KDM5A: variants seen among roughly 807,000 people sequenced by gnomAD.
The protein encoded by KDM5A is lysine-specific demethylase 5A.
A neutral mutation model predicts 193.5 loss-of-function variants in KDM5A; 42 were observed. The observed-to-expected ratio is 0.22, with a 90% CI of 0.17 to 0.28. KDM5A has a LOEUF of 0.28. KDM5A is among the 10% of genes least tolerant of loss of function. The pLI is 1.00. For synonymous variants in KDM5A, 796 were observed against 718.1 expected (o/e 1.11, Z -1.73); for missense variants, 1,692 against 2,055.1 (o/e 0.82, Z 3.42).
Position 308,275 on chromosome 12 carries a change from G to C in KDM5A, c.3379-270C>G, listed in dbSNP as rs545346706. ...GCATGCCTTGAAATCAAGCAACCTG[G>C]GTACAAAGCCTGGCTCTTGTACTTT... On this transcript the variant is annotated intron_variant, in intron 22 of 27. Transcript: ENST00000399788. 3.9e-5 allele frequency among the ~76,000 whole-genome samples: 6 copies of C among 152,186 alleles called. No homozygotes were observed. In the South Asian group the frequency reaches 1.2e-3, roughly 32 times the overall value.
intron 20 of KDM5A, among the ~76,000 whole-genome samples, chr12:312,463 T>G (rs76507336): frequency 0.015 from 2,225 of 152,306 alleles, 50 homozygotes; most frequent in African/African-American, 0.05. Flanking sequence ...ATTTGAAGAA[T>G]ACAGTAGGTA....
chr12:312,599 G>A (rs1363741323), intron 20 of KDM5A, among the ~76,000 whole-genome samples: 4 of 152,222 alleles, frequency 2.6e-5, no homozygotes, highest in Non-Finnish European at 4.4e-5. Flanking sequence ...AGACGAAAGA[G>A]TAAGTGAACT....
chr12:299,809 A>ATGC, intron 24 of KDM5A, among the ~76,000 whole-genome samples: 1 of 152,074 alleles, frequency 6.6e-6, no homozygotes, highest in Non-Finnish European at 1.5e-5. Flanking sequence ...TCTTACTCAC[A>ATGC]AAGACGCACA....
intron 1 of KDM5A, 54 bp from the exon 2 acceptor site, chr12:386,028 A>G: frequency 7.3e-7 from 1 of 1,367,504 alleles, no homozygotes; most frequent in Non-Finnish European, 1.0e-6. Flanking sequence ...CAAGGAATGC[A>G]TTAATTATTC....
In KDM5A at chr12:323,729, C is replaced by T. The variant is rs1943750534; in HGVS notation, c.2021G>A (p.Arg674Gln). 6.2e-7 allele frequency: 1 copy of T among 1,613,844 alleles called. No individual in the cohort carries two copies. Among genetic ancestry groups the T allele is most frequent in the African/African-American group, 1.3e-5 (1 of 74,908 alleles). ...TGTGGTTCTGCATGCTGAACACTGC[C>T]GCTCATCATCAGGAACAAGTTCAAA... ...EVFELVPDDERQCSACRTTCF... is the reference protein window; with the variant it reads ...EVFELVPDDEQQCSACRTTCF... The change falls in exon 15 of 28, where the codon CGG becomes CAG. Residue 674 changes from arginine (R) to glutamine (Q), a missense_variant. Arg to Gln is a conservative substitution (Grantham distance 43). This residue lies in a region of KDM5A where 88 missense variants were observed against 124.6 expected (regional missense o/e 0.71). Coordinates refer to ENST00000399788, the MANE Select transcript of KDM5A (RefSeq NM_001042603.3).
Position 355,310 on chromosome 12 carries a change from A to G in KDM5A, c.779-61T>C. ...CAATGTTGAGAGCTTACTATGGACC[A>G]GACACTATTTAAAATTATTTAAATT... On this transcript the variant is annotated intron_variant, in intron 6 of 27. Transcript: ENST00000399788. The G allele has an allele frequency of 1.6e-5, 14 of 885,086 alleles. No homozygotes were observed. The South Asian group carries it at 1.8e-4, about 12-fold the overall frequency. 54.8% of individuals were successfully genotyped at this position (885,086 alleles called of 1,614,324 possible).
chr12:333,447 A>G (rs958682114), intron 12 of KDM5A, 40 bp downstream of exon 12: 6 of 1,611,638 alleles, frequency 3.7e-6, no homozygotes, highest in Non-Finnish European at 5.1e-6. Context: ...AAAAACAAAC[A>G]AACAAACAAA....
intron 14 of KDM5A, among the ~76,000 whole-genome samples, chr12:324,260 G>A (rs745311461): frequency 1.3e-5 from 2 of 151,860 alleles, no homozygotes; most frequent in African/African-American, 4.8e-5. Context: ...TAGTACTGCT[G>A]CACTCCAACC....
intron 19 of KDM5A, among the ~76,000 whole-genome samples, chr12:313,489 A>C (rs1943614868): frequency 6.6e-6 from 1 of 152,250 alleles, no homozygotes; most frequent in South Asian, 2.1e-4. Flanking sequence ...AATAAAGGAC[A>C]CATCTGAAAT....
At chr12:300,653 T>C (rs141836084) in intron 24 of KDM5A, among the ~76,000 whole-genome samples, 1,643 of 152,094 alleles carry the variant, frequency 0.011, 14 homozygotes, top group Middle Eastern at 0.027. Context: ...ATTCAAAAGC[T>C]AGCAGAAGGC....
At chr12:333,216 C>T (rs1025090239) in intron 12 of KDM5A, 10 of 450,374 alleles carry the variant, frequency 2.2e-5, no homozygotes, top group Admixed American at 1.4e-4. Context: ...CTCAGGAGTT[C>T]GAGACCAACC....
At position 333,814 on chromosome 12, in the gene KDM5A, T is replaced by C. The variant is rs1013077386; in HGVS notation, c.1491-165A>G. ...TATAAACCTGTGCTGTTGTTCACAA[T>C]AGGAGGTAAGTAAATAGTAGTATGT... On this transcript the variant is annotated intron_variant, in intron 11 of 27. Transcript: ENST00000399788. 3.9e-5 allele frequency among the ~76,000 whole-genome samples: 6 copies of C among 152,312 alleles called. No individual in the cohort carries two copies. In the South Asian group the frequency reaches 6.2e-4, roughly 16 times the overall value.
chr12:352,044 C>T (rs1018364357), intron 9 of KDM5A, among the ~76,000 whole-genome samples, 161 bp downstream of exon 9: 8 of 131,050 alleles, frequency 6.1e-5, no homozygotes, highest in African/African-American at 2.3e-4. Context: ...GCAGAGGTTG[C>T]AGTGAGCCGA....
chr12:290,390 C>CT (rs1943277723), intron 27 of KDM5A, among the ~76,000 whole-genome samples: 1 of 152,114 alleles, frequency 6.6e-6, no homozygotes, highest in African/African-American at 2.4e-5. Context: ...TTTATATAAA[C>CT]TAACAACATA....
rs773611100 is a variant in KDM5A, at chr12:311,059, G to A, written c.3042C>T (p.Gly1014=). 2.7e-5 allele frequency: 43 copies of A among 1,614,016 alleles called. No individual in the cohort carries two copies. In the South Asian group the frequency reaches 4.5e-4, roughly 17 times the overall value. Reference sequence around the variant, plus strand: ...GCTGCTCCAAATAAGCGTAATTGCTGCCACTCTGAAAAACCAAAGTAGATT... The same window carrying A: ...GCTGCTCCAAATAAGCGTAATTGCTACCACTCTGAAAAACCAAAGTAGATT... ...WTAKVEAIQS[G]SNYAYLEQLE... The change falls in exon 21 of 28, where the codon GGC becomes GGT. Residue 1014 remains glycine, a synonymous_variant. Coordinates refer to ENST00000399788, the MANE Select transcript of KDM5A (RefSeq NM_001042603.3).
At position 384,071 on chromosome 12, in the gene KDM5A, A is replaced by G. The variant is rs1437508777; in HGVS notation, c.326T>C (p.Val109Ala). 3 of 1,613,396 alleles carry G rather than the reference A, an allele frequency of 1.9e-6. No homozygotes were observed. Among genetic ancestry groups the G allele is most frequent in the African/African-American group, 1.3e-5 (1 of 75,054 alleles). Residue 109 changes from valine (V) to alanine (A), a missense_variant, in exon 3 of 28, where the codon GTG becomes GCG. Val to Ala is a moderately conservative substitution (Grantham distance 64). Coordinates refer to ENST00000399788, the MANE Select transcript of KDM5A (RefSeq NM_001042603.3). ...ELQGSTLKIP[V>A]VERKILDLYA... ...CAGATCCAGGATTTTTCTCTCTACC[A>G]CAGGGATCTTCAGAGTAGATCCTTG...
chr12:310,934 C>T lies in KDM5A; in HGVS notation c.3167G>A (p.Arg1056Gln), dbSNP rs1225333272. 1.7e-5 allele frequency: 27 copies of T among 1,614,056 alleles called. No individual in the cohort carries two copies. Among genetic ancestry groups the T allele is most frequent in the South Asian group, 4.4e-5 (4 of 91,094 alleles). The change falls in exon 21 of 28, where the codon CGG (arginine) becomes CAG (glutamine). Residue 1056 changes from arginine to glutamine, a missense_variant. This residue lies in a region of KDM5A where 965 missense variants were observed against 1,061.0 expected (regional missense o/e 0.91). Coordinates refer to ENST00000399788, the MANE Select transcript of KDM5A (RefSeq NM_001042603.3). ...CTTCTTAAGAAACGTCCGCCCAGTC[C>T]GTTCTCTCCATGCCCGTGCTGCTGC... ...QVAAARAWRE[R>Q]TGRTFLKKNS...
At chr12:359,508 T>C (rs1944267374) in intron 5 of KDM5A, among the ~76,000 whole-genome samples, 1 of 151,860 alleles carries the variant, frequency 6.6e-6, no homozygotes, top group Admixed American at 6.6e-5. Context: ...TCGCAGCACT[T>C]TGGGAGGCTA....
chr12:281,668 A>T lies in KDM5A; in HGVS notation c.*3788T>A, dbSNP rs1364244101. On this transcript the variant is annotated 3_prime_UTR_variant, in exon 28 of 28. Transcript: ENST00000399788. ...TTATATGTGGGACTTCAACAGCTCA[A>T]TTTTTCCACAATTTCCACTTTTCAA... is the stretch of plus-strand genomic sequence containing the variant. The T allele has an allele frequency of 1.3e-5, 3 of 234,524 alleles. No individual in the cohort carries two copies. The highest frequency in any genetic ancestry group is 2.5e-5 in the Non-Finnish European group (3 of 118,934). The allele number at this position is 234,524 out of a possible 1,614,324, so 14.5% of individuals were successfully genotyped here. A position where few individuals can be genotyped will look rare whatever the true frequency, so the allele number is the denominator to read the frequency against.
Sources: gnomAD v4.1 joint callset for allele counts (sites outside exome capture counted in the v4.1 genomes callset) on GRCh38, gnomAD v4.1.1 for gene constraint, gnomAD v4.1.1 regional missense constraint, MANE v1.5 for transcripts, NCBI Gene and HGNC (gene_info 2026-07-23, HGNC 2026-07-21) for gene names.